Variants in ERN2 observed in about 807,000 individuals in gnomAD.
The protein encoded by ERN2 is endoplasmic reticulum to nucleus signaling 2.
ERN2 carries 111 observed loss-of-function variants against 107.9 expected under a neutral mutation model. The observed-to-expected ratio is 1.03, with a 90% confidence interval of 0.88 to 1.20. The LOEUF is 1.20. Among genes scored for constraint, ERN2 ranks in the 50% most tolerant of loss-of-function variants. ERN2 has a pLI of 0.00. For missense variants in ERN2, 1,225 were observed against 1,197.9 expected (o/e 1.02, Z -0.33); for synonymous variants, 524 against 501.7 (o/e 1.04, Z -0.59).
chr16:23,708,101 C>T (rs1960397297), intron 4 of ERN2, among the ~76,000 whole-genome samples: 2 of 152,160 alleles, frequency 1.3e-5, no homozygotes, highest in South Asian at 4.1e-4. Flanking sequence ...CCTGAGGTCC[C>T]ATCGGGTGGT....
At position 23,702,524 on chromosome 16, in the gene ERN2, G is replaced by T; in HGVS notation, c.947C>A (p.Thr316Asn). 6.2e-7 allele frequency: 1 copy of T among 1,614,064 alleles called. No individual in the cohort carries two copies. The highest frequency in any genetic ancestry group is 8.5e-7 in the Non-Finnish European group (1 of 1,180,032). The change falls in exon 10 of 22, where the codon ACC becomes AAC. Residue 316 changes from threonine (T) to asparagine (N), a missense_variant. Physicochemically the swap from Thr to Asn is moderately conservative, Grantham distance 65 (BLOSUM62 0). Coordinates refer to ENST00000256797, the MANE Select transcript of ERN2 (RefSeq NM_033266.4). ...TGVALVPRGL[T>N]LAPADGPTTD... Reference sequence around the variant, plus strand: ...GGTGGGGCCATCTGCGGGGGCCAGGGTCAGTCCACGAGGCTATGGCAGAAG... The same window carrying T: ...GGTGGGGCCATCTGCGGGGGCCAGGTTCAGTCCACGAGGCTATGGCAGAAG...
intron 13 of ERN2, among the ~76,000 whole-genome samples, chr16:23,699,189 G>A (rs1256177633): frequency 2.6e-5 from 4 of 152,192 alleles, no homozygotes; most frequent in African/African-American, 9.7e-5. Flanking sequence ...CCCTGAGGAA[G>A]GGGAGCTGTT....
At position 23,710,232 on chromosome 16, in the gene ERN2, G is replaced by C; in HGVS notation, c.246C>G (p.Leu82=). ...GPMYVTEMAF[L]SDPADGSLYI... is the part of the protein sequence containing the mutation. ...ACAGGCTGCCATCTGCTGGGTCAGA[G>C]AGAAAGGCCATTCTGTGGAGCAGAG... Residue 82 remains leucine, a synonymous_variant, in exon 4 of 22, where the codon CTC becomes CTG. Coordinates refer to ENST00000256797, the MANE Select transcript of ERN2 (RefSeq NM_033266.4). 6.2e-7 allele frequency: 1 copy of C among 1,613,942 alleles called. No homozygotes were observed. Among genetic ancestry groups the C allele is most frequent in the East Asian group, 2.2e-5 (1 of 44,880 alleles).
At chr16:23,707,918 C>A (rs1163563679) in intron 4 of ERN2, among the ~76,000 whole-genome samples, 1 of 152,198 alleles carries the variant, frequency 6.6e-6, no homozygotes, top group Non-Finnish European at 1.5e-5. Context: ...ATCCTCCACC[C>A]TTCTCTACTC....
intron 6 of ERN2, 73 bp downstream of exon 6, chr16:23,706,681 G>C: frequency 9.4e-7 from 1 of 1,067,566 alleles, no homozygotes; most frequent in Non-Finnish European, 1.4e-6. Flanking sequence ...AACTTGGTTA[G>C]CCACAGCTAG....
At chr16:23,700,305 C>A (rs1157422416) in intron 13 of ERN2, among the ~76,000 whole-genome samples, 3 of 152,086 alleles carry the variant, frequency 2.0e-5, no homozygotes, top group Admixed American at 1.3e-4. Context: ...CCACTGTACT[C>A]CAGCCTGGGC....
In ERN2 at chr16:23,692,077, G is replaced by T. The variant is rs746098636; in HGVS notation, c.2262C>A (p.Ala754=). The change falls in exon 19 of 22, where the codon GCC becomes GCA. Residue 754 remains alanine, a synonymous_variant. Coordinates refer to ENST00000256797, the MANE Select transcript of ERN2 (RefSeq NM_033266.4). ...TCAACATGGCTCCAACCAGGTCCCG[G>T]GCAACCACCTTGTCTGGAGGATGGA... ...LEEEVHDKVV[A]RDLVGAMLSP... The T allele has an allele frequency of 1.2e-6, 2 of 1,613,750 alleles. No individual in the cohort carries two copies. The highest frequency in any genetic ancestry group is 4.5e-5 in the East Asian group (2 of 44,880).
intron 19 of ERN2, 66 bp from the exon 20 acceptor site, chr16:23,691,491 G>C: frequency 6.4e-7 from 1 of 1,554,434 alleles, no homozygotes; most frequent in Non-Finnish European, 8.7e-7. Context: ...GGAGTGTGTT[G>C]TCTTACAGGA....
chr16:23,702,339 T>G (rs1258471125), intron 10 of ERN2, 51 bp downstream of exon 10: 1 of 1,611,120 alleles, frequency 6.2e-7, no homozygotes, highest in Non-Finnish European at 8.5e-7. Flanking sequence ...GAAGCTGGGC[T>G]CACAGGTTCT....
In ERN2 at chr16:23,692,091, C is replaced by T. The variant is rs1959620654; in HGVS notation, c.2249-1G>A. ...ACCAGGTCCCGGGCAACCACCTTGT[C>T]TGGAGGATGGAAGAGGAGGAGGAGA... On this transcript the variant is annotated splice_acceptor_variant, in intron 18 of 21. Coordinates refer to ENST00000256797, the MANE Select transcript of ERN2 (RefSeq NM_033266.4). LOFTEE classifies it high-confidence loss of function. 6.2e-7 allele frequency: 1 copy of T among 1,613,798 alleles called. No individual in the cohort carries two copies. Among genetic ancestry groups the T allele is most frequent in the Non-Finnish European group, 8.5e-7 (1 of 1,180,036 alleles).
chr16:23,712,316 T>TA (rs1960579857), intron 1 of ERN2: 2 of 161,214 alleles, frequency 1.2e-5, no homozygotes, highest in African/African-American at 4.8e-5. Context: ...GCCAATTTTT[T>TA]TAAAAATTGG....
At chr16:23,697,531 C>T (rs1959879631) in intron 13 of ERN2, among the ~76,000 whole-genome samples, 1 of 152,136 alleles carries the variant, frequency 6.6e-6, no homozygotes, top group African/African-American at 2.4e-5. Context: ...TCTTGTGTGT[C>T]TGCTCTCAGT....
rs1959877263 is a variant in ERN2 at position 23,697,467 on chromosome 16, A to G, written c.1526-1489T>C. 1.3e-5 allele frequency among the ~76,000 whole-genome samples: 2 copies of G among 152,156 alleles called. 1 individual carries two copies. ...AACCCTGCTCATCTGACTGCAGGTG[A>G]CAGTCACCCTTCTGGGCCCTCTTTG... On this transcript the variant is annotated intron_variant, in intron 13 of 21. Transcript: ENST00000256797.
chr16:23,694,839 GAGGCCGA>G lies in ERN2; in HGVS notation c.1982_1988del (p.Phe661SerfsTer100), dbSNP rs757203849. On this transcript the variant is annotated frameshift_variant, in exon 17 of 22. Transcript: ENST00000256797. LOFTEE classifies it high-confidence loss of function. ...AGCGGCCAGCAGGCAGCTTCTTGCAGAGGCCGAAGTCTGAGAGCACCACTCTGCCCAG... is the reference window on the plus strand; with the variant it reads ...AGCGGCCAGCAGGCAGCTTCTTGCAGAGTCTGAGAGCACCACTCTGCCCAG... The G allele has an allele frequency of 1.2e-6, 2 of 1,614,092 alleles. No individual in the cohort carries two copies. Among genetic ancestry groups the G allele is most frequent in the East Asian group, 4.5e-5 (2 of 44,896 alleles).
chr16:23,691,228 C>A lies in ERN2; in HGVS notation c.2501-32G>T, dbSNP rs185884401. 163 of 1,613,826 alleles carry A rather than the reference C, an allele frequency of 1.0e-4. No individual in the cohort carries two copies. The East Asian group carries it at 3.3e-3, about 32-fold the overall frequency. On this transcript the variant is annotated intron_variant, in intron 20 of 21. Transcript: ENST00000256797. Reference sequence around the variant, plus strand: ...ACAGGGAATTCAGTGGCAAAACCGTCCCTGCTAGACTCCCCTCCACCGCCC... The same window carrying A: ...ACAGGGAATTCAGTGGCAAAACCGTACCTGCTAGACTCCCCTCCACCGCCC...
At chr16:23,705,381 G>A (rs1302082715) in intron 7 of ERN2, among the ~76,000 whole-genome samples, 5 of 152,154 alleles carry the variant, frequency 3.3e-5, no homozygotes, top group African/African-American at 1.2e-4. Flanking sequence ...TAGGATGGTG[G>A]GGTATTGCTC....
chr16:23,710,786 G>C, intron 2 of ERN2, 127 bp downstream of exon 2: 1 of 842,206 alleles, frequency 1.2e-6, no homozygotes, highest in Non-Finnish European at 2.0e-6. Context: ...CTGGTAAGCA[G>C]TGAAGCTGCC....
chr16:23,712,147 T>C, intron 1 of ERN2: 1 of 356,184 alleles, frequency 2.8e-6, no homozygotes, highest in South Asian at 1.9e-5. Flanking sequence ...GAGTGGAGGG[T>C]CAGGAAATTA....
intron 11 of ERN2, 109 bp downstream of exon 11, chr16:23,702,043 G>A: frequency 8.5e-7 from 1 of 1,177,820 alleles, no homozygotes; most frequent in Non-Finnish European, 1.2e-6. Flanking sequence ...GAGGTCAATT[G>A]ACCCACCCCC....
Sources: gnomAD v4.1 joint callset for allele counts (sites outside exome capture counted in the v4.1 genomes callset) on GRCh38, gnomAD v4.1.1 for gene constraint, MANE v1.5 for transcripts, NCBI Gene and HGNC (gene_info 2026-07-23, HGNC 2026-07-21) for gene names.